CTNNA2: variants seen among roughly 807,000 people sequenced by gnomAD.
CTNNA2 encodes the protein catenin alpha 2, also known as catenin alpha-2.
In CTNNA2, 42 loss-of-function variants were observed where a neutral mutation model predicts 101.0. The ratio of observed to expected loss-of-function variants is 0.42; its 90% CI spans 0.32 to 0.54. CTNNA2 has a LOEUF of 0.54. Among genes scored for constraint, CTNNA2 ranks in the 20% least tolerant of loss-of-function variants. CTNNA2 has a pLI of 0.14. For synonymous variants in CTNNA2, 450 were observed against 456.4 expected (o/e 0.99, Z 0.18); for missense variants, 871 against 1,223.1 (o/e 0.71, Z 4.29).
intron 2 of CTNNA2, among the ~76,000 whole-genome samples, chr2:79,226,895 AT>A (rs1674423258): frequency 6.6e-6 from 1 of 152,222 alleles, no homozygotes; most frequent in Middle Eastern, 3.4e-3. Context: ...ATGAATTTGT[AT>A]CCCAAGGCGC....
At chr2:79,539,136 G>A (rs1002817692) in intron 1 of CTNNA2, among the ~76,000 whole-genome samples, 1 of 152,174 alleles carries the variant, frequency 6.6e-6, no homozygotes, top group African/African-American at 2.4e-5. Flanking sequence ...GGGAGTCCAA[G>A]AAGACCATAT....
At chr2:79,450,519 C>G (rs990540354) in intron 4 of CTNNA2, among the ~76,000 whole-genome samples, 7 of 151,998 alleles carry the variant, frequency 4.6e-5, no homozygotes, top group Non-Finnish European at 1.0e-4. Context: ...TAAAACTGTT[C>G]CATAAGATAG....
At chr2:80,610,499 C>T (rs1400229930) in intron 17 of CTNNA2, among the ~76,000 whole-genome samples, 2 of 151,532 alleles carry the variant, frequency 1.3e-5, no homozygotes. Flanking sequence ...AAAAGAAATA[C>T]TTAAATCTTC....
chr2:80,295,021 C>G (rs1675616627), intron 7 of CTNNA2, among the ~76,000 whole-genome samples: 1 of 152,108 alleles, frequency 6.6e-6, no homozygotes, highest in Non-Finnish European at 1.5e-5. Flanking sequence ...CTCTTCCTCT[C>G]TTTTTCTTTT....
rs774014277 is a variant in CTNNA2 at position 80,468,339 on chromosome 2, G to T, written c.1290+48738G>T. 5.1e-4 allele frequency among the ~76,000 whole-genome samples: 78 copies of T among 152,308 alleles called. 1 individual carries two copies. The highest frequency in any genetic ancestry group is 9.2e-4 in the Admixed American group (14 of 15,300). On this transcript the variant is annotated intron_variant, in intron 9 of 18. Coordinates refer to ENST00000402739, the MANE Select transcript of CTNNA2 (RefSeq NM_001282597.3). ...TATTATTTATGTTTATAAACGTGGA[G>T]CTAGCTGTGTGCAGTGGAAAGTTTG...
intron 1 of CTNNA2, among the ~76,000 whole-genome samples, chr2:79,580,160 G>A (rs541147407): frequency 4.6e-5 from 7 of 152,050 alleles, no homozygotes; most frequent in East Asian, 1.9e-4. Flanking sequence ...TGATCTCAAC[G>A]TTGGAGAAAC....
intron 9 of CTNNA2, among the ~76,000 whole-genome samples, chr2:80,514,936 A>G (rs1189848329): frequency 6.6e-6 from 1 of 152,146 alleles, no homozygotes; most frequent in Non-Finnish European, 1.5e-5. Flanking sequence ...CGCAGGTTTT[A>G]GGCTTTTTGG....
intron 3 of CTNNA2, among the ~76,000 whole-genome samples, chr2:79,335,993 A>G (rs892319843): frequency 5.3e-5 from 8 of 152,230 alleles, no homozygotes; most frequent in African/African-American, 1.9e-4. Flanking sequence ...GGAGAGATCA[A>G]GTAAGAAATA....
intron 3 of CTNNA2, among the ~76,000 whole-genome samples, chr2:79,826,178 G>GAA (rs569941269): frequency 0.01 from 1,561 of 151,576 alleles, 24 homozygotes; most frequent in African/African-American, 0.035. Flanking sequence ...AAAATAAAAA[G>GAA]AAAAAAAACA....
At chr2:79,233,453 G>T (rs1413918978) in intron 2 of CTNNA2, among the ~76,000 whole-genome samples, 6 of 152,158 alleles carry the variant, frequency 3.9e-5, no homozygotes, top group Admixed American at 6.5e-5. Context: ...AATGTATTGA[G>T]ACTTGCTTTA....
intron 2 of CTNNA2, among the ~76,000 whole-genome samples, chr2:79,256,429 C>T (rs1037466048): frequency 6.6e-6 from 1 of 152,328 alleles, no homozygotes; most frequent in Admixed American, 6.5e-5. Context: ...TCATAGCAGA[C>T]AGTCACTAAT....
intron 14 of CTNNA2, among the ~76,000 whole-genome samples, chr2:80,585,158 C>T (rs572627827): frequency 3.1e-4 from 47 of 152,062 alleles, no homozygotes; most frequent in Non-Finnish European, 5.6e-4. Context: ...GACCCATAGA[C>T]GTTAAAAATC....
At chr2:79,415,008 G>A (rs11126723) in intron 4 of CTNNA2, among the ~76,000 whole-genome samples, 44,176 of 152,090 alleles carry the variant, frequency 0.29, 6,563 homozygotes, top group South Asian at 0.43. Context: ...ATAGCAATAG[G>A]TAACTGATAT....
rs557789218 is a variant in CTNNA2 at position 79,624,284 on chromosome 2, A to G, written c.-5-27268A>G. Among the ~76,000 whole-genome samples the G allele has an allele frequency of 3.9e-5, 6 of 152,286 alleles. No individual in the cohort carries two copies. In the South Asian group the frequency reaches 1.2e-3, roughly 32 times the overall value. On this transcript the variant is annotated intron_variant, in intron 1 of 18. Transcript: ENST00000402739. ...ATTCATTAAGAAGAGCAATGCAAAC[A>G]GCTGTAAATTTGGATAATAAGCAAG...
At chr2:80,374,294 T>C (rs1414289330) in intron 7 of CTNNA2, among the ~76,000 whole-genome samples, 1 of 152,170 alleles carries the variant, frequency 6.6e-6, no homozygotes, top group African/African-American at 2.4e-5. Flanking sequence ...CTCTCACTTA[T>C]AAGTGAAAAC....
intron 1 of CTNNA2, among the ~76,000 whole-genome samples, chr2:79,554,097 A>G (rs1046989349): frequency 1.3e-5 from 2 of 152,146 alleles, no homozygotes; most frequent in Non-Finnish European, 2.9e-5. Flanking sequence ...GCATGCAATG[A>G]CCTGTGAATG....
At position 79,203,920 on chromosome 2, in the gene CTNNA2, T is replaced by A. The variant is rs1468252837; in HGVS notation, c.-406+5844T>A. On this transcript the variant is annotated intron_variant, in intron 2 of 21. Transcript: ENST00000466387. ...CCAGCTGTTGCTTCCCATGGTCACC[T>A]GAGGTAGAAGTGGCTGTCACCTCTG... Among the ~76,000 whole-genome samples, 5 of 152,220 alleles carry A rather than the reference T, an allele frequency of 3.3e-5. No homozygotes were observed. In the South Asian group the frequency reaches 1.0e-3, roughly 32 times the overall value.
chr2:79,261,355 C>A (rs1674918944), intron 2 of CTNNA2, among the ~76,000 whole-genome samples: 1 of 152,194 alleles, frequency 6.6e-6, no homozygotes, highest in Non-Finnish European at 1.5e-5. Context: ...CCCTGGGACA[C>A]ACATCTCACT....
intron 9 of CTNNA2, among the ~76,000 whole-genome samples, chr2:80,486,677 G>T (rs1686611411): frequency 6.6e-6 from 1 of 152,008 alleles, no homozygotes; most frequent in African/African-American, 2.4e-5. Flanking sequence ...GTTTTTTCAT[G>T]AGCTTTTTTA....
Sources: gnomAD v4.1 joint callset for allele counts (sites outside exome capture counted in the v4.1 genomes callset) on GRCh38, gnomAD v4.1.1 for gene constraint, MANE v1.5 for transcripts, NCBI Gene and HGNC (gene_info 2026-07-23, HGNC 2026-07-21) for gene names.